Variants in MFSD11 observed in about 807,000 individuals in gnomAD.
The protein encoded by MFSD11 is major facilitator superfamily domain containing 11, also known as UNC93-like protein MFSD11.
A neutral mutation model predicts 53.5 loss-of-function variants in MFSD11; 36 were observed. The ratio of observed to expected loss-of-function variants is 0.67; its 90% CI spans 0.52 to 0.89. MFSD11 has a LOEUF of 0.89. Ranked by LOEUF, MFSD11 falls within the 40% of genes least tolerant of loss-of-function variation. MFSD11 has a pLI of 0.00. For missense variants in MFSD11, 530 were observed against 543.9 expected, an observed-to-expected ratio of 0.97 and a Z score of 0.25; for synonymous variants, 186 against 184.9, an observed-to-expected ratio of 1.01 and a Z score of -0.05.
At chr17:76,793,739 T>C in the MFSD11 span, among the ~76,000 whole-genome samples, 1 of 151,502 alleles carries the variant, frequency 6.6e-6, no homozygotes, top group African/African-American at 2.4e-5. Flanking sequence ...ATTATAAAAG[T>C]GTTAATTTGG....
chr17:76,758,098 A>G (rs549260526), intron 8 of MFSD11, among the ~76,000 whole-genome samples: 2 of 152,320 alleles, frequency 1.3e-5, no homozygotes, highest in East Asian at 3.9e-4. Flanking sequence ...TGCAAACATC[A>G]GAATAGCAAG....
chr17:76,794,029 C>T, the MFSD11 span, among the ~76,000 whole-genome samples: 2 of 151,450 alleles, frequency 1.3e-5, no homozygotes, highest in African/African-American at 4.9e-5. Context: ...AACAATGCAG[C>T]AGCCTTGCTG....
At chr17:76,739,086 A>G in intron 2 of MFSD11, 93 bp downstream of exon 2, 3 of 972,566 alleles carry the variant, frequency 3.1e-6, no homozygotes, top group African/African-American at 1.6e-5. Flanking sequence ...GTGATTGAAT[A>G]AGTGGTGATG....
At position 76,778,341 on chromosome 17, in the gene MFSD11, C is replaced by T. The variant is rs773114815; in HGVS notation, c.1339C>T (p.Arg447Ter). Residue 447 changes from arginine to a stop codon, truncating the protein, a stop_gained, in exon 13 of 13, where the codon CGA (arginine) becomes TGA (stop). Transcript: ENST00000685175. LOFTEE classifies it high-confidence loss of function. Reference sequence around the variant, plus strand: ...CTTTGTAGCCCGCGGCTCTGACTACCGAAGTATCTGATCTGGTGTCCGTGA... The same window carrying T: ...CTTTGTAGCCCGCGGCTCTGACTACTGAAGTATCTGATCTGGTGTCCGTGA... ...AAFVARGSDY[R>*]SI The T allele has an allele frequency of 8.7e-6, 14 of 1,614,014 alleles. No individual in the cohort carries two copies. Among genetic ancestry groups the T allele is most frequent in the South Asian group, 5.5e-5 (5 of 91,084 alleles).
chr17:76,761,160 G>A (rs1261495812), intron 8 of MFSD11, among the ~76,000 whole-genome samples: 2 of 152,072 alleles, frequency 1.3e-5, no homozygotes, highest in East Asian at 1.9e-4. Flanking sequence ...AGCCGAGATC[G>A]TGCTGTTGTG....
chr17:76,748,864 T>C (rs1479096731), intron 7 of MFSD11, among the ~76,000 whole-genome samples: 1 of 152,042 alleles, frequency 6.6e-6, no homozygotes, highest in Non-Finnish European at 1.5e-5. Context: ...CTTCTTACCT[T>C]CCTGCATTCA....
At chr17:76,795,609 A>G in the MFSD11 span, among the ~76,000 whole-genome samples, 2 of 152,120 alleles carry the variant, frequency 1.3e-5, no homozygotes, top group Admixed American at 1.3e-4. Context: ...GATGACTGGG[A>G]TGACTACACA....
intron 10 of MFSD11, among the ~76,000 whole-genome samples, chr17:76,770,584 C>G (rs1212565219): frequency 6.6e-6 from 1 of 152,168 alleles, no homozygotes; most frequent in South Asian, 2.1e-4. Flanking sequence ...AGGGTTCAGT[C>G]CTACAGACAG....
the MFSD11 span, among the ~76,000 whole-genome samples, chr17:76,787,237 G>A: frequency 5.3e-5 from 8 of 150,964 alleles, 1 homozygote; most frequent in Admixed American, 1.3e-4. Context: ...CTGGGTTCAA[G>A]CGATTTTCCT....
At chr17:76,744,678 A>G (rs912431054) in intron 7 of MFSD11, among the ~76,000 whole-genome samples, 3 of 152,190 alleles carry the variant, frequency 2.0e-5, no homozygotes, top group Admixed American at 1.3e-4. Flanking sequence ...TGCACAGGGA[A>G]GTTGAGTCTG....
At chr17:76,747,016 C>G (rs1598521870) in intron 7 of MFSD11, among the ~76,000 whole-genome samples, 1 of 129,020 alleles carries the variant, frequency 7.8e-6, no homozygotes, top group African/African-American at 4.8e-5. Flanking sequence ...TCAAGAGATT[C>G]CTCCTGCCTC....
At chr17:76,764,118 C>T (rs914946115) in intron 8 of MFSD11, among the ~76,000 whole-genome samples, 10 of 152,128 alleles carry the variant, frequency 6.6e-5, no homozygotes, top group African/African-American at 1.2e-4. Context: ...GCCTGCCTCC[C>T]GAAGTGCTGG....
rs112634996 is a variant in MFSD11, at chr17:76,738,569, A to T, written c.96+121A>T. Reference sequence around the variant, plus strand: ...ATTGCATCTTTCATTTTTCCCACCCAGACTTCCTCATTTTTTATGATTAGG... The same window carrying T: ...ATTGCATCTTTCATTTTTCCCACCCTGACTTCCTCATTTTTTATGATTAGG... On this transcript the variant is annotated intron_variant, in intron 1 of 12. Coordinates refer to ENST00000685175, the MANE Select transcript of MFSD11 (RefSeq NM_001242532.5). 4,002 of 702,192 alleles carry T rather than the reference A, an allele frequency of 5.7e-3. 133 individuals are homozygous for T. In the African/African-American group the frequency reaches 0.065, roughly 11 times the overall value. The allele number at this position is 702,192 out of a possible 1,614,324, so 43.5% of individuals were successfully genotyped here. A position where few individuals can be genotyped will look rare whatever the true frequency, so the allele number is the denominator to read the frequency against.
intron 7 of MFSD11, among the ~76,000 whole-genome samples, chr17:76,747,411 T>G (rs2078652769): frequency 6.6e-6 from 1 of 152,098 alleles, no homozygotes; most frequent in Admixed American, 6.6e-5. Flanking sequence ...CTTGGCTCAC[T>G]GCAACCTCTG....
intron 8 of MFSD11, among the ~76,000 whole-genome samples, chr17:76,766,674 T>C (rs1026907135): frequency 3.9e-5 from 6 of 152,136 alleles, no homozygotes; most frequent in Non-Finnish European, 8.8e-5. Flanking sequence ...GTGACTTAGG[T>C]AAGTTTCGTG....
At chr17:76,736,855 G>A, upstream of MFSD11, 2 of 1,607,530 alleles carry the variant, frequency 1.2e-6, no homozygotes, top group Non-Finnish European at 1.7e-6. Context: ...GCGGTCCCCG[G>A]CGGCTGTGGT....
intron 7 of MFSD11, among the ~76,000 whole-genome samples, chr17:76,752,211 C>A (rs745689994): frequency 3.5e-4 from 53 of 152,244 alleles, no homozygotes; most frequent in Middle Eastern, 3.4e-3. Context: ...CCTTATATAA[C>A]CCACTTCCGT....
chr17:76,802,291 C>T, the MFSD11 span, among the ~76,000 whole-genome samples: 2 of 151,924 alleles, frequency 1.3e-5, no homozygotes, highest in South Asian at 2.1e-4. Context: ...ACAACAAAAA[C>T]AATTACTGTC....
intron 7 of MFSD11, 22 bp from the exon 8 acceptor site, chr17:76,754,025 T>C: frequency 2.5e-6 from 4 of 1,592,104 alleles, no homozygotes; most frequent in East Asian, 2.2e-5. Flanking sequence ...AAAAACTTAT[T>C]TTTTACATTT....
Sources: allele counts gnomAD v4.1 joint callset (sites outside exome capture counted in the v4.1 genomes callset), GRCh38; gene constraint gnomAD v4.1.1; transcripts MANE v1.5; gene names NCBI Gene and HGNC (gene_info 2026-07-23, HGNC 2026-07-21).